Variants in MAMSTR observed in about 807,000 individuals in gnomAD.
The protein encoded by MAMSTR is MEF2 activating motif and SAP domain containing transcriptional regulator.
In MAMSTR, 41 loss-of-function variants were observed where a neutral mutation model predicts 42.7. The ratio of observed to expected loss-of-function variants is 0.96; its 90% CI spans 0.75 to 1.25. The LOEUF is 1.25. MAMSTR is among the 50% of genes most tolerant of loss of function. The pLI, the probability that MAMSTR is intolerant of heterozygous loss-of-function variation, is 0.00. For missense variants in MAMSTR, 567 were observed against 557.6 expected (o/e 1.02, Z -0.17); for synonymous variants, 265 against 244.1 (o/e 1.09, Z -0.80).
intron 7 of MAMSTR, 58 bp downstream of exon 7, chr19:48,714,308 G>A: frequency 6.1e-6 from 8 of 1,311,758 alleles, no homozygotes; most frequent in Non-Finnish European, 6.9e-6. Flanking sequence ...TCGACACCCC[G>A]CCCCGGCCCA....
chr19:48,710,414 CTTTTT>C (rs551847729), downstream of MAMSTR, among the ~76,000 whole-genome samples: 1 of 103,780 alleles, frequency 9.6e-6, no homozygotes, highest in Admixed American at 1.1e-4. Context: ...TGGGCCCAAT[CTTTTT>C]TTTTTTTTTT....
intron 2 of MAMSTR, among the ~76,000 whole-genome samples, chr19:48,718,405 G>C (rs1425889123): frequency 1.2e-4 from 3 of 25,266 alleles, no homozygotes; most frequent in Non-Finnish European, 2.8e-4. Context: ...TTTTTTTTTT[G>C]AGATGGAGTT....
downstream of MAMSTR, among the ~76,000 whole-genome samples, chr19:48,711,719 C>T (rs1363341986): frequency 6.8e-6 from 1 of 147,610 alleles, no homozygotes; most frequent in Non-Finnish European, 1.5e-5. Context: ...ATTACAGGCT[C>T]CCACCACCAT....
At chr19:48,718,938 T>C in intron 2 of MAMSTR, 36 bp downstream of exon 2, 1 of 1,488,980 alleles carries the variant, frequency 6.7e-7, no homozygotes, top group African/African-American at 1.4e-5. Context: ...ATTCTCAGGA[T>C]CCCATCCCCC....
At chr19:48,706,215 A>T in the MAMSTR span, among the ~76,000 whole-genome samples, 1 of 151,132 alleles carries the variant, frequency 6.6e-6, no homozygotes, top group African/African-American at 2.4e-5. Context: ...TGCACCAGGG[A>T]GGCAGAGGTT....
intron 2 of MAMSTR, among the ~76,000 whole-genome samples, chr19:48,717,533 T>A (rs2033090724): frequency 7.4e-6 from 1 of 135,002 alleles, no homozygotes; most frequent in African/African-American, 2.7e-5. Context: ...ATGTTAACTA[T>A]CTTTTTTTTT....
At chr19:48,708,576 G>A (rs1459216828), downstream of MAMSTR, among the ~76,000 whole-genome samples, 5 of 152,064 alleles carry the variant, frequency 3.3e-5, no homozygotes, top group Non-Finnish European at 2.9e-5. Flanking sequence ...CGGCAGTGCC[G>A]GCAGTGCAGG....
downstream of MAMSTR, among the ~76,000 whole-genome samples, chr19:48,711,978 G>A (rs281382): frequency 0.75 from 114,144 of 151,600 alleles, 44,927 homozygotes; most frequent in Middle Eastern, 0.87. Flanking sequence ...GGATGGTCTC[G>A]ATCTCCTGAC....
At chr19:48,705,801 G>A in the MAMSTR span, 1 of 165,820 alleles carries the variant, frequency 6.0e-6, no homozygotes, top group Non-Finnish European at 1.5e-5. Context: ...GCTGAGGTGG[G>A]AGGATTGCTT....
rs1366787338 is a variant in MAMSTR, at chr19:48,713,990, G to A, written c.779C>T (p.Pro260Leu). 6 of 1,612,308 alleles carry A rather than the reference G, an allele frequency of 3.7e-6. No individual in the cohort carries two copies. In the Admixed American group the frequency reaches 5.0e-5, roughly 13 times the overall value. Reference sequence around the variant, plus strand: ...GGGAGTTGGAGCCGGAGCCGTCCCCGGGGTATCCGCGGCACGTGGAAGAGG... The same window carrying A: ...GGGAGTTGGAGCCGGAGCCGTCCCCAGGGTATCCGCGGCACGTGGAAGAGG... ...RPPLPRAADT[P>L]GTAPAPTPTP... The change falls in exon 8 of 10, where the codon CCG becomes CTG. Residue 260 changes from proline to leucine, a missense_variant. Transcript: ENST00000318083.
chr19:48,709,966 T>C (rs2032699650), downstream of MAMSTR, among the ~76,000 whole-genome samples: 1 of 150,916 alleles, frequency 6.6e-6, no homozygotes. Context: ...ACCTCCTGGG[T>C]TCAGGCCATT....
intron 7 of MAMSTR, 75 bp downstream of exon 7, chr19:48,714,291 A>G: frequency 8.2e-7 from 1 of 1,214,916 alleles, no homozygotes; most frequent in Non-Finnish European, 1.1e-6. Flanking sequence ...TTCATTGGCT[A>G]GTTTTTTCGA....
chr19:48,715,541 C>T lies in MAMSTR; in HGVS notation c.240+84G>A, dbSNP rs182759887. The T allele has an allele frequency of 1.2e-5, 17 of 1,478,102 alleles. No homozygotes were observed. The East Asian group carries it at 2.5e-4, about 22-fold the overall frequency. 91.6% of individuals were successfully genotyped at this position (1,478,102 alleles called of 1,614,324 possible). On this transcript the variant is annotated intron_variant, in intron 4 of 9. Transcript: ENST00000318083. The stretch of plus-strand genomic sequence containing the variant: ...AAGTATGGGGTCAGCTCGGTGCCAC[C>T]GAAGAGGAGCAAAAATGGCAGCAGC...
chr19:48,712,425 CT>C (rs1479082214), downstream of MAMSTR, among the ~76,000 whole-genome samples: 6 of 148,416 alleles, frequency 4.0e-5, no homozygotes, highest in East Asian at 3.9e-4. Flanking sequence ...TTCTCTCTCT[CT>C]TTTTTTTTTT....
Position 48,719,046 on chromosome 19 carries a change from T to TG in MAMSTR, c.-16dup. On this transcript the variant is annotated 5_prime_UTR_variant, in exon 2 of 10. Coordinates refer to ENST00000318083, the MANE Select transcript of MAMSTR (RefSeq NM_001130915.2). The surrounding 1 kb of genome is among the most constrained non-coding windows in gnomAD (Gnocchi z 4.4). ...GCCAGGGTCATTGCCAAGGCCGGGATGGGGACCTGGACGGAGAGGGGGCAG... is the reference window on the plus strand; with the variant it reads ...GCCAGGGTCATTGCCAAGGCCGGGATGGGGGACCTGGACGGAGAGGGGGCAG... 6.4e-7 allele frequency: 1 copy of TG among 1,550,666 alleles called. No individual in the cohort carries two copies. Among genetic ancestry groups the TG allele is most frequent in the Non-Finnish European group, 8.7e-7 (1 of 1,146,716 alleles).
intron 8 of MAMSTR, 29 bp from the exon 9 acceptor site, chr19:48,713,799 C>T: frequency 6.2e-7 from 1 of 1,614,204 alleles, no homozygotes; most frequent in Non-Finnish European, 8.5e-7. Context: ...GGCGTGAACT[C>T]GGGACTGCGA....
At position 48,715,253 on chromosome 19, in the gene MAMSTR, G is replaced by A; in HGVS notation, c.425+9C>T. The A allele has an allele frequency of 1.3e-6, 2 of 1,576,464 alleles. No individual in the cohort carries two copies. The highest frequency in any genetic ancestry group is 1.7e-6 in the Non-Finnish European group (2 of 1,160,664). On this transcript the variant is annotated intron_variant, in intron 5 of 9. Coordinates refer to ENST00000318083, the MANE Select transcript of MAMSTR (RefSeq NM_001130915.2). Reference sequence around the variant, plus strand: ...CTGGGTCCCGGGAGAACAGAAGTGGGTGTCATACCTAGGATGTGGCTGCTG... The same window carrying A: ...CTGGGTCCCGGGAGAACAGAAGTGGATGTCATACCTAGGATGTGGCTGCTG...
the MAMSTR span, among the ~76,000 whole-genome samples, chr19:48,707,421 A>G: frequency 6.6e-6 from 1 of 151,268 alleles, no homozygotes; most frequent in Non-Finnish European, 1.5e-5. Flanking sequence ...TCTAAAAAAA[A>G]AAAAGATAAT....
Position 48,713,361 on chromosome 19 carries a change from A to G in MAMSTR, c.1154T>C (p.Leu385Pro). The change falls in exon 10 of 10, where the codon CTG becomes CCG. Residue 385 changes from leucine (L) to proline (P), a missense_variant. Physicochemically the swap from Leu to Pro is moderately conservative, Grantham distance 98. Transcript: ENST00000318083. ...GCTGGGGGGTGGGGGACCAGAACCC[A>G]GAGGAGGACCCCCGCTCAGGGCCTC... ...WLEALSGGPP[L>P]GSGPPPPSIF... 6.2e-7 allele frequency: 1 copy of G among 1,609,266 alleles called. No homozygotes were observed. Among genetic ancestry groups the G allele is most frequent in the Admixed American group, 1.7e-5 (1 of 57,924 alleles).
Sources: gnomAD v4.1 joint callset for allele counts (sites outside exome capture counted in the v4.1 genomes callset) on GRCh38, gnomAD v4.1.1 for gene constraint, Gnocchi (gnomAD v3.1) non-coding constraint, MANE v1.5 for transcripts, NCBI Gene and HGNC (gene_info 2026-07-23, HGNC 2026-07-21) for gene names.